Variants in TRPS1 observed in about 807,000 individuals in gnomAD.
TRPS1 encodes the protein transcriptional repressor GATA binding 1, also known as zinc finger transcription factor Trps1.
A neutral mutation model predicts 101.2 loss-of-function variants in TRPS1; 6 were observed. The ratio of observed to expected loss-of-function variants is 0.06; its 90% CI spans 0.03 to 0.12. The LOEUF is 0.12. TRPS1 is among the 10% of genes least tolerant of loss of function. The pLI is 1.00. For synonymous variants in TRPS1, 578 were observed against 589.8 expected (o/e 0.98, Z 0.29); for missense variants, 1,363 against 1,567.0 (o/e 0.87, Z 2.20).
rs1047650479 is a variant in TRPS1 at position 115,564,957 on chromosome 8, G to A, written c.2700+22044C>T. On this transcript the variant is annotated intron_variant, in intron 5 of 6. Coordinates refer to ENST00000395715, the MANE Select transcript of TRPS1 (RefSeq NM_014112.5). ...AGACTGTCATTAAAAAGCCAAACAC[G>A]TTTTTCTTCATACCCTACACTATAT... Among the ~76,000 whole-genome samples, 4 of 152,004 alleles carry A rather than the reference G, an allele frequency of 2.6e-5. No individual in the cohort carries two copies. In the East Asian group the frequency reaches 5.8e-4, roughly 22 times the overall value.
intron 5 of TRPS1, among the ~76,000 whole-genome samples, chr8:115,486,811 T>C (rs1738234085): frequency 1.3e-5 from 2 of 152,034 alleles, no homozygotes; most frequent in Non-Finnish European, 2.9e-5. Context: ...GTTCATGAGG[T>C]TGAAGGAAAG....
rs1182031280 is a variant in TRPS1 at position 115,668,735 on chromosome 8, GAGAGAGAA to G, written c.-320_-313del. On this transcript the variant is annotated 5_prime_UTR_variant, in exon 1 of 7. Coordinates refer to ENST00000395715, the MANE Select transcript of TRPS1 (RefSeq NM_014112.5). The stretch of plus-strand genomic sequence containing the variant: ...ATTAAAAAAGAGAGAGAGAGAGAGA[GAGAGAGAA>G]AGAGAAAGGAAATAGAGCAAGGATG... 9.0e-5 allele frequency: 13 copies of G among 144,836 alleles called. No homozygotes were observed. The highest frequency in any genetic ancestry group is 3.0e-4 in the African/African-American group (11 of 37,240). The allele number at this position is 144,836 out of a possible 1,614,324, so 9.0% of individuals were successfully genotyped here.
chr8:115,502,625 A>G (rs1009843127), intron 5 of TRPS1, among the ~76,000 whole-genome samples: 1 of 152,210 alleles, frequency 6.6e-6, no homozygotes, highest in Non-Finnish European at 1.5e-5. Context: ...TAGGTACTTA[A>G]CAAGCAGTAT....
chr8:115,454,292 G>A (rs1382112046), intron 5 of TRPS1, among the ~76,000 whole-genome samples: 1 of 152,084 alleles, frequency 6.6e-6, no homozygotes, highest in Non-Finnish European at 1.5e-5. Context: ...AATTCAAATA[G>A]TTTTCTGGTA....
At chr8:115,628,797 C>T (rs941092090) in intron 1 of TRPS1, among the ~76,000 whole-genome samples, 3 of 151,668 alleles carry the variant, frequency 2.0e-5, no homozygotes, top group African/African-American at 7.3e-5. Context: ...TGACAAGAAA[C>T]CCAAGACTTG....
chr8:115,577,147 TC>T (rs1481107318), intron 5 of TRPS1, among the ~76,000 whole-genome samples: 3 of 152,242 alleles, frequency 2.0e-5, no homozygotes, highest in East Asian at 3.9e-4. Context: ...AAAGTTTTTT[TC>T]CACTGTTCAA....
intron 6 of TRPS1, among the ~76,000 whole-genome samples, chr8:115,416,080 G>GT: frequency 6.6e-6 from 1 of 151,986 alleles, no homozygotes; most frequent in African/African-American, 2.4e-5. Context: ...TGAAGCATTA[G>GT]TTTTGTGTTG....
chr8:115,526,152 T>C (rs1815992087), intron 5 of TRPS1, among the ~76,000 whole-genome samples: 1 of 152,014 alleles, frequency 6.6e-6, no homozygotes. Flanking sequence ...CTACTAAAAA[T>C]ACAAAAATTA....
At chr8:115,427,231 C>T (rs1586262850) in intron 5 of TRPS1, among the ~76,000 whole-genome samples, 2 of 152,120 alleles carry the variant, frequency 1.3e-5, no homozygotes, top group South Asian at 4.1e-4. Flanking sequence ...GAGCTATAAT[C>T]ATGTCACTGT....
chr8:115,610,363 G>A (rs576659479), intron 3 of TRPS1, among the ~76,000 whole-genome samples: 2 of 152,190 alleles, frequency 1.3e-5, no homozygotes, highest in East Asian at 1.9e-4. Context: ...TATATACATC[G>A]GGAATTTTTC....
At position 115,435,251 on chromosome 8, in the gene TRPS1, A is replaced by G. The variant is rs371196059; in HGVS notation, c.2701-16799T>C. Among the ~76,000 whole-genome samples, 6 of 152,202 alleles carry G rather than the reference A, an allele frequency of 3.9e-5. No individual in the cohort carries two copies. The East Asian group carries it at 9.6e-4, about 24-fold the overall frequency. On this transcript the variant is annotated intron_variant, in intron 5 of 6. Coordinates refer to ENST00000395715, the MANE Select transcript of TRPS1 (RefSeq NM_014112.5). ...AGTAATAGAAGATCTACTTTCCTGG[A>G]TGTCAATCGCATTTCTGGAAAGAGG...
chr8:115,442,687 C>T (rs1350878462), intron 5 of TRPS1, among the ~76,000 whole-genome samples: 3 of 151,690 alleles, frequency 2.0e-5, no homozygotes, highest in African/African-American at 4.8e-5. Flanking sequence ...TTTGACTGGG[C>T]GCAGGGGCTC....
chr8:115,558,889 G>A (rs1020032094), intron 5 of TRPS1, among the ~76,000 whole-genome samples: 11 of 152,008 alleles, frequency 7.2e-5, no homozygotes, highest in Non-Finnish European at 1.5e-4. Flanking sequence ...TAAAGGATAA[G>A]GAGATGAAAT....
intron 4 of TRPS1, among the ~76,000 whole-genome samples, chr8:115,592,774 G>A (rs1413167704): frequency 1.3e-5 from 2 of 152,094 alleles, no homozygotes; most frequent in Non-Finnish European, 2.9e-5. Context: ...GAAGAATAGG[G>A]TAGAATCTAA....
At chr8:115,434,516 A>C (rs1283951502) in intron 5 of TRPS1, among the ~76,000 whole-genome samples, 1 of 152,194 alleles carries the variant, frequency 6.6e-6, no homozygotes, top group Non-Finnish European at 1.5e-5. Flanking sequence ...TACCTTTATC[A>C]CTTAAGGTTC....
At chr8:115,462,120 T>G (rs888722204) in intron 5 of TRPS1, among the ~76,000 whole-genome samples, 1 of 152,130 alleles carries the variant, frequency 6.6e-6, no homozygotes, top group African/African-American at 2.4e-5. Context: ...ATAATGAAGG[T>G]ATTCTGAGGA....
At chr8:115,459,511 T>C (rs1473334605) in intron 5 of TRPS1, among the ~76,000 whole-genome samples, 6 of 152,112 alleles carry the variant, frequency 3.9e-5, no homozygotes, top group Admixed American at 3.9e-4. Context: ...CAGAATCACA[T>C]GAGGCTGAGA....
Position 115,409,258 on chromosome 8 carries a change from T to TG in TRPS1, c.*4764dup, listed in dbSNP as rs1443630499. The TG allele has an allele frequency of 1.8e-3, 40 of 22,194 alleles. No individual in the cohort carries two copies. The highest frequency in any genetic ancestry group is 0.015 in the African/African-American group (38 of 2,538). 1.4% of individuals were successfully genotyped at this position (22,194 alleles called of 1,614,324 possible). On this transcript the variant is annotated 3_prime_UTR_variant, in exon 7 of 7. Coordinates refer to ENST00000395715, the MANE Select transcript of TRPS1 (RefSeq NM_014112.5). Reference sequence around the variant, plus strand: ...AAGTGATATGCTGCAGTTTATATGTTGGGAAAAAAAAAAAAAAAAAAAACA... The same window carrying TG: ...AAGTGATATGCTGCAGTTTATATGTTGGGGAAAAAAAAAAAAAAAAAAAACA...
chr8:115,606,876 C>T (rs750939434), intron 3 of TRPS1, among the ~76,000 whole-genome samples: 3 of 150,782 alleles, frequency 2.0e-5, no homozygotes, highest in Admixed American at 1.3e-4. Flanking sequence ...TTCTTTGTTC[C>T]GGAACTTAAA....
Sources: gnomAD v4.1 joint callset for allele counts (sites outside exome capture counted in the v4.1 genomes callset) on GRCh38, gnomAD v4.1.1 for gene constraint, MANE v1.5 for transcripts, NCBI Gene and HGNC (gene_info 2026-07-23, HGNC 2026-07-21) for gene names.